The following ATG5 variants were observed in gnomAD, a reference collection of about 807,000 sequenced individuals.
The protein encoded by ATG5 is autophagy related 5.
ATG5 carries 14 observed loss-of-function variants against 36.5 expected under a neutral mutation model. The observed-to-expected ratio is 0.38, with a 90% CI of 0.25 to 0.60. The LOEUF is 0.60. ATG5 is among the 20% of genes least tolerant of loss of function. The pLI, the probability that ATG5 is intolerant of heterozygous loss-of-function variation, is 0.60. For synonymous variants in ATG5, 95 were observed against 101.5 expected (o/e 0.94, Z 0.38); for missense variants, 195 against 326.7 (o/e 0.60, Z 3.11).
At chr6:106,226,627 T>A (rs1777462276) in intron 6 of ATG5, among the ~76,000 whole-genome samples, 1 of 152,234 alleles carries the variant, frequency 6.6e-6, no homozygotes, top group Non-Finnish European at 1.5e-5. Context: ...TACAGATTAG[T>A]TCTGTCTGGT....
intron 6 of ATG5, among the ~76,000 whole-genome samples, chr6:106,236,841 C>T (rs1777923133): frequency 6.6e-6 from 1 of 152,154 alleles, no homozygotes; most frequent in South Asian, 2.1e-4. Flanking sequence ...AAACACAGTG[C>T]TTATTTCACT....
At chr6:106,315,752 C>A (rs1441103636) in intron 2 of ATG5, among the ~76,000 whole-genome samples, 1 of 152,076 alleles carries the variant, frequency 6.6e-6, no homozygotes, top group Non-Finnish European at 1.5e-5. Context: ...AAAAGCACAT[C>A]TTATTATTCC....
chr6:106,200,702 G>A (rs759309254), intron 7 of ATG5, among the ~76,000 whole-genome samples: 2 of 152,014 alleles, frequency 1.3e-5, no homozygotes, highest in Admixed American at 6.6e-5. Flanking sequence ...GGATGGTCTC[G>A]ATCTCCTGAC....
At chr6:106,258,837 A>C (rs563926573) in intron 5 of ATG5, among the ~76,000 whole-genome samples, 1 of 152,308 alleles carries the variant, frequency 6.6e-6, no homozygotes, top group East Asian at 1.9e-4. Flanking sequence ...AATTATGGTA[A>C]CATCTGGTAT....
chr6:106,227,435 A>T (rs1200128118), intron 6 of ATG5, among the ~76,000 whole-genome samples: 1 of 152,174 alleles, frequency 6.6e-6, no homozygotes, highest in African/African-American at 2.4e-5. Flanking sequence ...GTCTCTACAA[A>T]GAATAAAAAG....
intron 6 of ATG5, among the ~76,000 whole-genome samples, chr6:106,204,036 A>C (rs1776533714): frequency 6.6e-6 from 1 of 152,138 alleles, no homozygotes; most frequent in South Asian, 2.1e-4. Flanking sequence ...ACGAGAACAC[A>C]TGGACACAGG....
chr6:106,230,471 A>G (rs1263289731), intron 6 of ATG5, among the ~76,000 whole-genome samples: 2 of 152,170 alleles, frequency 1.3e-5, no homozygotes, highest in East Asian at 3.9e-4. Context: ...TTTCTTTGTG[A>G]TCAAGAAAGG....
intron 6 of ATG5, among the ~76,000 whole-genome samples, chr6:106,216,016 G>T (rs1407399163): frequency 1.3e-5 from 2 of 152,272 alleles, no homozygotes; most frequent in Non-Finnish European, 2.9e-5. Flanking sequence ...AGCATCACTG[G>T]TCATTAGGAA....
intron 2 of ATG5, among the ~76,000 whole-genome samples, chr6:106,313,489 C>T (rs978817074): frequency 9.2e-5 from 14 of 152,218 alleles, no homozygotes; most frequent in African/African-American, 3.4e-4. Context: ...AATAGCAATC[C>T]AAATGAGTAT....
At chr6:106,207,563 T>C (rs971741810) in intron 6 of ATG5, among the ~76,000 whole-genome samples, 1 of 149,332 alleles carries the variant, frequency 6.7e-6, no homozygotes, top group African/African-American at 2.5e-5. Flanking sequence ...AAGAAAGAAA[T>C]GAAATGCAAA....
intron 5 of ATG5, among the ~76,000 whole-genome samples, chr6:106,270,087 T>C (rs1305104013): frequency 6.6e-6 from 1 of 152,242 alleles, no homozygotes; most frequent in Non-Finnish European, 1.5e-5. Flanking sequence ...TCCAAATTAT[T>C]ACAAAGTTAA....
intron 4 of ATG5, among the ~76,000 whole-genome samples, chr6:106,288,229 C>T (rs1780161846): frequency 6.6e-6 from 1 of 152,058 alleles, no homozygotes; most frequent in Non-Finnish European, 1.5e-5. Flanking sequence ...CCTCACCTCC[C>T]AAGGTGCTGG....
chr6:106,324,457 A>G (rs1195786707), intron 1 of ATG5, among the ~76,000 whole-genome samples: 1 of 152,170 alleles, frequency 6.6e-6, no homozygotes, highest in Non-Finnish European at 1.5e-5. Context: ...GACAGGAAAG[A>G]CTGTACCTTA....
At chr6:106,209,751 C>T (rs149984905) in intron 6 of ATG5, among the ~76,000 whole-genome samples, 2 of 152,022 alleles carry the variant, frequency 1.3e-5, no homozygotes, top group African/African-American at 2.4e-5. Flanking sequence ...TGTAATTATG[C>T]AAGATGTTAG....
intron 3 of ATG5, among the ~76,000 whole-genome samples, chr6:106,306,583 G>A (rs1175337255): frequency 6.6e-6 from 1 of 152,194 alleles, no homozygotes; most frequent in African/African-American, 2.4e-5. Flanking sequence ...AATGTCAGTA[G>A]TGACCCTATT....
chr6:106,247,336 A>G (rs1451047146), intron 6 of ATG5, among the ~76,000 whole-genome samples: 12 of 152,194 alleles, frequency 7.9e-5, no homozygotes, highest in Non-Finnish European at 2.9e-5. Context: ...AATATTTAAT[A>G]TTTGCTAAAT....
chr6:106,233,305 G>A (rs2114470438), intron 6 of ATG5, among the ~76,000 whole-genome samples: 1 of 152,262 alleles, frequency 6.6e-6, no homozygotes, highest in South Asian at 2.1e-4. Context: ...GCCAAATATG[G>A]ATTCCCAGGT....
At chr6:106,203,383 T>C (rs918200889) in intron 6 of ATG5, among the ~76,000 whole-genome samples, 2 of 152,202 alleles carry the variant, frequency 1.3e-5, no homozygotes, top group Non-Finnish European at 2.9e-5. Flanking sequence ...TTCCTTTATC[T>C]GTTAATTTGG....
intron 6 of ATG5, among the ~76,000 whole-genome samples, chr6:106,219,931 T>G (rs2299863): frequency 0.085 from 12,863 of 152,212 alleles, 757 homozygotes; most frequent in Middle Eastern, 0.16. Context: ...ACCATTCCAT[T>G]GATAAGCGAC....
Sources: allele counts gnomAD v4.1 joint callset (sites outside exome capture counted in the v4.1 genomes callset), GRCh38; gene constraint gnomAD v4.1.1; transcripts MANE v1.5; gene names NCBI Gene and HGNC (gene_info 2026-07-23, HGNC 2026-07-21).